The following ABTB3 variants were observed in gnomAD, a reference collection of about 807,000 sequenced individuals.
The protein encoded by ABTB3 is ankyrin repeat- and BTB/POZ domain-containing protein 3.
the ABTB3 span, among the ~76,000 whole-genome samples, chr12:107,320,364 A>G: frequency 1.3e-5 from 2 of 152,256 alleles, no homozygotes; most frequent in East Asian, 3.9e-4. Context: ...AGCAAAACCC[A>G]GCACCATTTT....
chr12:107,646,539 C>T, the ABTB3 span, among the ~76,000 whole-genome samples: 1 of 152,176 alleles, frequency 6.6e-6, no homozygotes, highest in African/African-American at 2.4e-5. Context: ...ATGCTTATGA[C>T]CCATCAGGGT....
the ABTB3 span, among the ~76,000 whole-genome samples, chr12:107,417,351 C>T: frequency 2.6e-5 from 4 of 152,210 alleles, no homozygotes; most frequent in African/African-American, 9.6e-5. Flanking sequence ...TCACCTCTTC[C>T]AGCTTGACTT....
At chr12:107,442,179 G>A in the ABTB3 span, among the ~76,000 whole-genome samples, 2 of 152,192 alleles carry the variant, frequency 1.3e-5, no homozygotes, top group African/African-American at 4.8e-5. Flanking sequence ...AGGGTGCATG[G>A]CTGGCACTCA....
the ABTB3 span, chr12:107,581,382 C>G: frequency 8.3e-7 from 1 of 1,201,304 alleles, no homozygotes; most frequent in African/African-American, 1.6e-5. Context: ...CAATCAGAGC[C>G]CCGCTGGGCG....
chr12:107,608,877 T>TTAAAA, the ABTB3 span, among the ~76,000 whole-genome samples: 1 of 90,410 alleles, frequency 1.1e-5, no homozygotes, highest in Non-Finnish European at 2.6e-5. Flanking sequence ...CCTCAAAAAT[T>TTAAAA]TAAAATAAAA....
the ABTB3 span, among the ~76,000 whole-genome samples, chr12:107,546,825 A>G: frequency 6.6e-6 from 1 of 152,218 alleles, no homozygotes; most frequent in South Asian, 2.1e-4. Context: ...AGATCAGGCT[A>G]CTGCACTCCA....
chr12:107,440,040 C>A, the ABTB3 span, among the ~76,000 whole-genome samples: 1 of 152,318 alleles, frequency 6.6e-6, no homozygotes, highest in Non-Finnish European at 1.5e-5. Flanking sequence ...CAAGGCTATA[C>A]TGGTTATTAG....
At chr12:107,444,011 C>T in the ABTB3 span, among the ~76,000 whole-genome samples, 6 of 152,308 alleles carry the variant, frequency 3.9e-5, no homozygotes, top group African/African-American at 1.4e-4. Flanking sequence ...AGAGCCTCAG[C>T]TTCGAGTCTC....
At chr12:107,563,355 G>A in the ABTB3 span, among the ~76,000 whole-genome samples, 1 of 152,156 alleles carries the variant, frequency 6.6e-6, no homozygotes, top group African/African-American at 2.4e-5. Flanking sequence ...AACCTACAAA[G>A]TACCAGCACT....
At chr12:107,369,713 T>G in the ABTB3 span, among the ~76,000 whole-genome samples, 171 of 144,166 alleles carry the variant, frequency 1.2e-3, 4 homozygotes, top group Middle Eastern at 0.014. Flanking sequence ...CATGGTTTTT[T>G]TTTTTTTTTT....
the ABTB3 span, among the ~76,000 whole-genome samples, chr12:107,433,685 T>C: frequency 6.6e-6 from 1 of 152,168 alleles, no homozygotes; most frequent in Non-Finnish European, 1.5e-5. Context: ...TCTAGAATTA[T>C]GTGGGAGGTG....
At chr12:107,350,242 A>G in the ABTB3 span, among the ~76,000 whole-genome samples, 11 of 152,200 alleles carry the variant, frequency 7.2e-5, no homozygotes, top group Non-Finnish European at 7.3e-5. Flanking sequence ...TGCATTTCTC[A>G]GATAAAATGG....
chr12:107,526,384 G>T, the ABTB3 span, among the ~76,000 whole-genome samples: 3 of 152,048 alleles, frequency 2.0e-5, no homozygotes, highest in Admixed American at 2.0e-4. Context: ...GGTCCAGTTC[G>T]TCTTTCCTGA....
the ABTB3 span, among the ~76,000 whole-genome samples, chr12:107,364,348 G>A: frequency 6.6e-6 from 1 of 151,520 alleles, no homozygotes; most frequent in South Asian, 2.1e-4. Flanking sequence ...GAGTGCAGTG[G>A]CGTGATCTCA....
chr12:107,375,422 AATCATCATCATC>A, the ABTB3 span, among the ~76,000 whole-genome samples: 49 of 148,382 alleles, frequency 3.3e-4, 1 homozygote, highest in Admixed American at 5.4e-4. Flanking sequence ...TGGTGTCAGA[AATCATCATCATC>A]ATCATCATCA....
the ABTB3 span, among the ~76,000 whole-genome samples, chr12:107,593,882 G>A: frequency 2.6e-5 from 4 of 152,134 alleles, no homozygotes; most frequent in South Asian, 4.2e-4. Context: ...GCATGCCACC[G>A]GAGATTGCAC....
the ABTB3 span, among the ~76,000 whole-genome samples, chr12:107,536,896 A>G: frequency 6.6e-6 from 1 of 152,200 alleles, no homozygotes; most frequent in African/African-American, 2.4e-5. Flanking sequence ...CAAAGGAAAG[A>G]AAATTAGTAT....
chr12:107,441,349 C>T, the ABTB3 span, among the ~76,000 whole-genome samples: 1 of 152,180 alleles, frequency 6.6e-6, no homozygotes, highest in African/African-American at 2.4e-5. Context: ...CCTTAGCAAA[C>T]TAACACAGGA....
At chr12:107,395,365 A>G in the ABTB3 span, among the ~76,000 whole-genome samples, 1 of 152,210 alleles carries the variant, frequency 6.6e-6, no homozygotes, top group Admixed American at 6.5e-5. Flanking sequence ...CACTGCTTTA[A>G]GACCACCGGA....
Sources: gnomAD v4.1 joint callset for allele counts (sites outside exome capture counted in the v4.1 genomes callset) on GRCh38, gnomAD v4.1.1 for gene constraint, MANE v1.5 for transcripts, NCBI Gene and HGNC (gene_info 2026-07-23, HGNC 2026-07-21) for gene names.